PAX5: variants seen among roughly 807,000 people sequenced by gnomAD.
The protein encoded by PAX5 is paired box protein Pax-5.
A neutral mutation model predicts 43.7 loss-of-function variants in PAX5; 9 were observed. The ratio of observed to expected loss-of-function variants is 0.21; its 90% confidence interval spans 0.12 to 0.36. PAX5 has a LOEUF of 0.36. Ranked by LOEUF, PAX5 falls within the 10% of genes least tolerant of loss-of-function variation. The pLI is 1.00. For missense variants in PAX5, 383 were observed against 532.7 expected, an observed-to-expected ratio of 0.72 and a Z score of 2.77; for synonymous variants, 228 against 214.3, an observed-to-expected ratio of 1.06 and a Z score of -0.56.
intron 4 of PAX5, 114 bp from the exon 5 acceptor site, chr9:37,002,890 G>C: frequency 2.3e-6 from 3 of 1,288,444 alleles, no homozygotes; most frequent in Non-Finnish European, 3.2e-6. Context: ...GGGTGGGCAG[G>C]GGGCGCTGAG....
chr9:36,895,865 C>A (rs567850780), intron 7 of PAX5, among the ~76,000 whole-genome samples: 59 of 152,286 alleles, frequency 3.9e-4, no homozygotes, highest in African/African-American at 1.3e-3. Flanking sequence ...TGAAATCAGG[C>A]ATGGTGGGAG....
intron 8 of PAX5, among the ~76,000 whole-genome samples, chr9:36,864,463 T>C (rs1383444444): frequency 6.6e-6 from 1 of 152,176 alleles, no homozygotes; most frequent in Non-Finnish European, 1.5e-5. Flanking sequence ...ACTTGATCCT[T>C]GTGGATGTGC....
At chr9:36,977,513 T>A (rs1047893007) in intron 5 of PAX5, among the ~76,000 whole-genome samples, 65 of 152,028 alleles carry the variant, frequency 4.3e-4, no homozygotes, top group African/African-American at 1.4e-3. Context: ...TTGTTTGTTT[T>A]TTTTGGGGTT....
intron 7 of PAX5, among the ~76,000 whole-genome samples, chr9:36,904,212 C>A (rs961607687): frequency 7.2e-5 from 11 of 152,170 alleles, no homozygotes; most frequent in African/African-American, 2.7e-4. Flanking sequence ...TGACTCTTGG[C>A]TCATGGGACC....
At chr9:36,843,355 T>G (rs1272567379) in intron 9 of PAX5, among the ~76,000 whole-genome samples, 2 of 152,162 alleles carry the variant, frequency 1.3e-5, no homozygotes, top group African/African-American at 4.8e-5. Flanking sequence ...GGCCTGGAGC[T>G]ATTTGCAAGG....
chr9:36,883,171 C>G lies in PAX5; in HGVS notation c.911-1066G>C, dbSNP rs893132002. Among the ~76,000 whole-genome samples, 3 of 152,166 alleles carry G rather than the reference C, an allele frequency of 2.0e-5. No individual in the cohort carries two copies. The South Asian group carries it at 6.2e-4, about 32-fold the overall frequency. On this transcript the variant is annotated intron_variant, in intron 7 of 9. Transcript: ENST00000358127. The stretch of plus-strand genomic sequence containing the variant: ...GGACTGACAGTCTGCCCCCCTGCCC[C>G]CTGGGAGTGGATCCTTTCTTCAACG...
chr9:37,020,058 T>G (rs1426864010), intron 2 of PAX5, among the ~76,000 whole-genome samples: 1 of 150,966 alleles, frequency 6.6e-6, no homozygotes, highest in Non-Finnish European at 1.5e-5. Flanking sequence ...CCAGGTCAAG[T>G]GGCAACTTTC....
At chr9:36,999,900 A>C (rs942602533) in intron 5 of PAX5, among the ~76,000 whole-genome samples, 18 of 151,854 alleles carry the variant, frequency 1.2e-4, no homozygotes, top group African/African-American at 4.1e-4. Context: ...ACTCTTCCCC[A>C]TACTGGCCCC....
intron 6 of PAX5, among the ~76,000 whole-genome samples, chr9:36,951,943 C>A (rs1196676587): frequency 1.3e-5 from 2 of 152,294 alleles, no homozygotes; most frequent in Admixed American, 1.3e-4. Flanking sequence ...CTATCTTCCT[C>A]CTATGAAATG....
intron 5 of PAX5, among the ~76,000 whole-genome samples, chr9:36,981,049 T>C (rs1835867145): frequency 6.6e-6 from 1 of 152,074 alleles, no homozygotes. Context: ...TCACCGGCCT[T>C]GGGGTCTTTG....
chr9:37,032,046 C>T (rs1355985649), intron 1 of PAX5, among the ~76,000 whole-genome samples: 1 of 152,154 alleles, frequency 6.6e-6, no homozygotes, highest in Non-Finnish European at 1.5e-5. Context: ...TGCAGTCTCA[C>T]TTGAACTGTC....
intron 5 of PAX5, among the ~76,000 whole-genome samples, chr9:36,981,448 C>CAAAAAAAA (rs200070533): frequency 7.4e-6 from 1 of 134,658 alleles, no homozygotes; most frequent in Non-Finnish European, 1.5e-5. Context: ...AAAAAAAAAA[C>CAAAAAAAA]AAAAAACAGG....
Position 36,840,624 on chromosome 9 carries a change from T to A in PAX5, c.1112A>T (p.Tyr371Phe). The change falls in exon 10 of 10, where the codon TAT becomes TTT. Residue 371 changes from tyrosine to phenylalanine, a missense_variant. Around this residue, in one of 5 missense-constraint regions of PAX5, gnomAD observed 291 missense variants for 342.5 expected, o/e 0.85. Transcript: ENST00000358127. ...PNPGLLGSPY[Y>F]YSAAARGAAP... is the part of the protein sequence containing the mutation. ...GGCTCCTCGGGCGGCAGCGCTATAA[T>A]AGTAGGGGGAGCCTGGAAGAGACGG... 1 of 1,574,424 alleles carries A rather than the reference T, an allele frequency of 6.4e-7. No homozygotes were observed. Among genetic ancestry groups the A allele is most frequent in the East Asian group, 2.3e-5 (1 of 43,584 alleles).
chr9:36,859,200 T>C (rs1398081565), intron 8 of PAX5, among the ~76,000 whole-genome samples: 2 of 151,962 alleles, frequency 1.3e-5, no homozygotes, highest in Non-Finnish European at 2.9e-5. Context: ...GAGGCGGAGA[T>C]GAATCAGACA....
intron 6 of PAX5, among the ~76,000 whole-genome samples, chr9:36,949,820 A>G (rs1330289894): frequency 1.3e-5 from 2 of 152,148 alleles, no homozygotes; most frequent in South Asian, 2.1e-4. Flanking sequence ...CTACCACAGC[A>G]TCTCCTCAGA....
intron 3 of PAX5, 27 bp downstream of exon 3, chr9:37,014,970 C>T (rs1839269400): frequency 6.2e-7 from 1 of 1,605,110 alleles, no homozygotes; most frequent in Non-Finnish European, 8.5e-7. Flanking sequence ...TCCAAATCCC[C>T]AACCCCCACA....
Position 36,897,518 on chromosome 9 carries a change from GA to G in PAX5, c.911-15414del, listed in dbSNP as rs956932950. Among the ~76,000 whole-genome samples the G allele has an allele frequency of 2.7e-5, 4 of 150,504 alleles. No homozygotes were observed. In the South Asian group the frequency reaches 8.4e-4, roughly 32 times the overall value. ...CACACACACATACACACACAAGCAA[GA>G]AAAAAACAAAACCTTAACAGTTGCT... is the stretch of plus-strand genomic sequence containing the variant. On this transcript the variant is annotated intron_variant, in intron 7 of 9. Transcript: ENST00000358127.
At chr9:36,876,613 T>C (rs1825935537) in intron 8 of PAX5, among the ~76,000 whole-genome samples, 3 of 152,258 alleles carry the variant, frequency 2.0e-5, no homozygotes, top group Non-Finnish European at 4.4e-5. Context: ...ATCAACTGGT[T>C]ACACCAATCA....
intron 4 of PAX5, among the ~76,000 whole-genome samples, chr9:37,005,124 C>T (rs1044873401): frequency 2.0e-5 from 3 of 152,218 alleles, no homozygotes; most frequent in African/African-American, 7.2e-5. Context: ...CAAGTGAAAT[C>T]TCAGCCACAA....
Sources: gnomAD v4.1 joint callset for allele counts (sites outside exome capture counted in the v4.1 genomes callset) on GRCh38, gnomAD v4.1.1 for gene constraint, gnomAD v4.1.1 regional missense constraint, MANE v1.5 for transcripts, NCBI Gene and HGNC (gene_info 2026-07-23, HGNC 2026-07-21) for gene names.